Variants in ITGA2 observed in about 807,000 individuals in gnomAD.
ITGA2 encodes the protein integrin subunit alpha 2, also known as integrin alpha-2.
Under a neutral mutation model 146.3 loss-of-function variants are expected in ITGA2, and 101 were observed. The ratio of observed to expected loss-of-function variants is 0.69; its 90% confidence interval spans 0.59 to 0.81. The LOEUF (loss-of-function observed/expected upper bound fraction) is 0.81. Among genes scored for constraint, ITGA2 ranks in the 40% least tolerant of loss-of-function variants. ITGA2 has a pLI of 0.00. For missense variants in ITGA2, 1,281 were observed against 1,402.7 expected, an observed-to-expected ratio of 0.91 and a Z score of 1.39; for synonymous variants, 477 against 487.1, an observed-to-expected ratio of 0.98 and a Z score of 0.27.
intron 17 of ITGA2, 29 bp from the exon 18 acceptor site, chr5:53,071,909 C>A (rs746873425): frequency 1.5e-5 from 23 of 1,500,052 alleles, no homozygotes; most frequent in African/African-American, 5.5e-5. Context: ...TCTGTCTCCC[C>A]CTGTATGTTT....
At chr5:53,086,874 A>C in intron 27 of ITGA2, 78 bp from the exon 28 acceptor site, 1 of 1,134,014 alleles carries the variant, frequency 8.8e-7, no homozygotes, top group Middle Eastern at 1.9e-4. Flanking sequence ...GGAAATAAAT[A>C]CATAAATCAT....
intron 9 of ITGA2, among the ~76,000 whole-genome samples, chr5:53,057,744 G>A (rs773067544): frequency 5.1e-4 from 78 of 151,838 alleles, no homozygotes; most frequent in Non-Finnish European, 7.2e-4. Flanking sequence ...TATCAAGAAC[G>A]TCATACATAT....
At position 53,081,645 on chromosome 5, in the gene ITGA2, ATCT is replaced by A. The variant is rs770591235; in HGVS notation, c.3100_3102del (p.Ser1034del). 1.5e-4 allele frequency: 248 copies of A among 1,613,360 alleles called. 1 individual carries two copies. The highest frequency in any genetic ancestry group is 3.3e-4 in the Middle Eastern group (2 of 6,012). ...TCAATCCACTGAAAATAGGACAAAC[ATCT>A]TCTTCTGTATCTTTCAAAAGTGAAA... On this transcript the variant is annotated inframe_deletion, in exon 26 of 30. Coordinates refer to ENST00000296585, the MANE Select transcript of ITGA2 (RefSeq NM_002203.4).
At chr5:53,008,343 G>T (rs1035656830) in intron 1 of ITGA2, among the ~76,000 whole-genome samples, 7 of 147,566 alleles carry the variant, frequency 4.7e-5, no homozygotes, top group African/African-American at 1.8e-4. Context: ...ACTAGATTAG[G>T]GCTTCACTCT....
chr5:53,074,066 C>G (rs1223096619), intron 20 of ITGA2, among the ~76,000 whole-genome samples: 10 of 151,558 alleles, frequency 6.6e-5, no homozygotes, highest in Non-Finnish European at 1.2e-4. Flanking sequence ...ATTCCTAAAG[C>G]CAGCATTTCA....
At chr5:53,073,715 G>T (rs1404366823) in intron 20 of ITGA2, among the ~76,000 whole-genome samples, 1 of 151,640 alleles carries the variant, frequency 6.6e-6, no homozygotes, top group Non-Finnish European at 1.5e-5. Context: ...AGTGCTCCCT[G>T]GTCCCTCCTC....
intron 1 of ITGA2, among the ~76,000 whole-genome samples, chr5:53,022,475 A>G (rs1330795475): frequency 6.6e-6 from 1 of 152,234 alleles, no homozygotes; most frequent in African/African-American, 2.4e-5. Context: ...AGGAGAATAA[A>G]TTTCATATTT....
chr5:53,014,141 A>G (rs1742288317), intron 1 of ITGA2, among the ~76,000 whole-genome samples: 2 of 152,094 alleles, frequency 1.3e-5, no homozygotes, highest in Non-Finnish European at 2.9e-5. Context: ...AATATGATAA[A>G]TAGGACTGGT....
rs575210393 is a variant in ITGA2, at chr5:53,001,590, T to C, written c.64+12058T>C. Among the ~76,000 whole-genome samples the C allele has an allele frequency of 2.5e-3, 376 of 152,268 alleles. 1 individual carries two copies. The highest frequency in any genetic ancestry group is 4.1e-3 in the Non-Finnish European group (278 of 68,004). On this transcript the variant is annotated intron_variant, in intron 1 of 29. Transcript: ENST00000296585. ...AAAAAGTGATTCAACTCCCCAGCAC[T>C]TTGGAAAGCCAAGGCAGAAGGATTG...
chr5:53,053,702 C>CCAGT (rs1344306865), intron 7 of ITGA2, among the ~76,000 whole-genome samples: 2 of 152,082 alleles, frequency 1.3e-5, no homozygotes, highest in African/African-American at 2.4e-5. Context: ...TTTAGTCTGC[C>CCAGT]CAGTGCTAGG....
chr5:53,080,371 C>A, intron 24 of ITGA2, 140 bp from the exon 25 acceptor site: 1 of 735,814 alleles, frequency 1.4e-6, no homozygotes, highest in South Asian at 1.5e-5. Context: ...TGAAGTGTGA[C>A]TATAAAGTAA....
chr5:53,056,084 T>TA lies in ITGA2; in HGVS notation c.1031_1032insA (p.Ser345ValfsTer2). The TA allele has an allele frequency of 6.2e-7, 1 of 1,612,074 alleles. No individual in the cohort carries two copies. The highest frequency in any genetic ancestry group is 1.1e-5 in the South Asian group (1 of 90,830). ...CCAACAGAAAGATACTTTTTCAATG[T>TA]GTCTGATGAAGCAGCTCTACTAGAA... is the stretch of plus-strand genomic sequence containing the variant. On this transcript the variant is annotated frameshift_variant, in exon 9 of 30. Coordinates refer to ENST00000296585, the MANE Select transcript of ITGA2 (RefSeq NM_002203.4). LOFTEE classifies it high-confidence loss of function.
intron 28 of ITGA2, 122 bp downstream of exon 28, chr5:53,087,163 A>G: frequency 1.3e-6 from 1 of 749,618 alleles, no homozygotes; most frequent in East Asian, 2.7e-5. Flanking sequence ...TAAAACTTTA[A>G]AGATCTGATG....
chr5:53,051,448 T>A lies in ITGA2; in HGVS notation c.668T>A (p.Val223Glu). 6.2e-7 allele frequency: 1 copy of A among 1,613,628 alleles called. No individual in the cohort carries two copies. Among genetic ancestry groups the A allele is most frequent in the Non-Finnish European group, 8.5e-7 (1 of 1,179,678 alleles). ...LIQYANNPRV[V>E]FNLNTYKTKE... is the part of the protein sequence containing the mutation. Reference sequence around the variant, plus strand: ...CAGTATGCCAATAATCCAAGAGTTGTGTTTAACTTGAACACATATAAAACC... The same window carrying A: ...CAGTATGCCAATAATCCAAGAGTTGAGTTTAACTTGAACACATATAAAACC... Residue 223 changes from valine (V) to glutamate (E), a missense_variant, in exon 7 of 30, where the codon GTG becomes GAG. Coordinates refer to ENST00000296585, the MANE Select transcript of ITGA2 (RefSeq NM_002203.4).
Position 53,093,585 on chromosome 5 carries a change from C to A in ITGA2, c.*2986C>A, listed in dbSNP as rs1740544718. 6.6e-6 allele frequency: 1 copy of A among 152,142 alleles called. No individual in the cohort carries two copies. The highest frequency in any genetic ancestry group is 2.4e-5 in the African/African-American group (1 of 41,420). The allele number at this position is 152,142 out of a possible 1,614,324, so 9.4% of individuals were successfully genotyped here. A position where few individuals can be genotyped will look rare whatever the true frequency, so the allele number is the denominator to read the frequency against. On this transcript the variant is annotated 3_prime_UTR_variant, in exon 30 of 30. Transcript: ENST00000296585. ...TGTCTCCAGACATTGTCAAATGCCTCCTGGGGGGCAGTATTTCTCAAGCAC... is the reference window on the plus strand; with the variant it reads ...TGTCTCCAGACATTGTCAAATGCCTACTGGGGGGCAGTATTTCTCAAGCAC...
chr5:53,032,993 C>T (rs1157383201), intron 2 of ITGA2, among the ~76,000 whole-genome samples: 1 of 152,136 alleles, frequency 6.6e-6, no homozygotes, highest in Non-Finnish European at 1.5e-5. Context: ...CAGGGCTGGG[C>T]TCGGTGGCTC....
chr5:53,048,705 G>T lies in ITGA2; in HGVS notation c.565G>T (p.Asp189Tyr), dbSNP rs776915188. The change falls in exon 6 of 30, where the codon GAT becomes TAT. Residue 189 changes from aspartate (D) to tyrosine (Y), a missense_variant. Asp to Tyr is a radical substitution (Grantham distance 160, BLOSUM62 -3). Coordinates refer to ENST00000296585, the MANE Select transcript of ITGA2 (RefSeq NM_002203.4). ...CDESNSIYPWDAVKNFLEKFV... is the reference protein window; with the variant it reads ...CDESNSIYPWYAVKNFLEKFV... ...TGAATCAAATAGTATTTATCCTTGG[G>T]ATGCAGTAAAGAATTTTTTGGAAAA... 1.9e-6 allele frequency: 3 copies of T among 1,613,814 alleles called. No individual in the cohort carries two copies. The South Asian group carries it at 3.3e-5, about 18-fold the overall frequency.
In ITGA2 at chr5:53,032,612, T is replaced by G. The variant is rs151135839; in HGVS notation, c.185+5744T>G. Among the ~76,000 whole-genome samples the G allele has an allele frequency of 9.7e-4, 148 of 152,308 alleles. 1 individual carries two copies. Among genetic ancestry groups the G allele is most frequent in the African/African-American group, 3.4e-3 (142 of 41,570 alleles). ...GTATCCAAGAAGGAGAGTGACAGGA[T>G]GTAGTTGGCATTTATAAATAATATT... On this transcript the variant is annotated intron_variant, in intron 2 of 29. Coordinates refer to ENST00000296585, the MANE Select transcript of ITGA2 (RefSeq NM_002203.4).
intron 2 of ITGA2, among the ~76,000 whole-genome samples, chr5:53,038,101 T>C (rs969525399): frequency 1.2e-4 from 18 of 151,388 alleles, no homozygotes; most frequent in African/African-American, 4.4e-4. Flanking sequence ...TGGTAGGAGG[T>C]GACAGGGAGA....
Sources: gnomAD v4.1 joint callset for allele counts (sites outside exome capture counted in the v4.1 genomes callset) on GRCh38, gnomAD v4.1.1 for gene constraint, MANE v1.5 for transcripts, NCBI Gene and HGNC (gene_info 2026-07-23, HGNC 2026-07-21) for gene names.